The following TMEM132B variants were observed in gnomAD, a reference collection of about 807,000 sequenced individuals.
TMEM132B encodes transmembrane protein 132B.
Under a neutral mutation model 90.8 loss-of-function variants are expected in TMEM132B, and 18 were observed. That is an observed-to-expected ratio of 0.20 (90% CI 0.14 to 0.29). TMEM132B has a LOEUF of 0.29. Among genes scored for constraint, TMEM132B ranks in the 10% least tolerant of loss-of-function variants. The pLI is 1.00. For missense variants in TMEM132B, 1,096 were observed against 1,326.8 expected (o/e 0.83, Z 2.70); for synonymous variants, 504 against 523.3 (o/e 0.96, Z 0.50).
intron 3 of TMEM132B, among the ~76,000 whole-genome samples, chr12:125,480,714 A>G (rs1256147653): frequency 1.3e-5 from 2 of 152,234 alleles, no homozygotes; most frequent in Non-Finnish European, 2.9e-5. Flanking sequence ...TTCTGAAACT[A>G]TTCCAATCAA....
At chr12:125,267,998 T>C (rs774268998) in intron 1 of TMEM132B, among the ~76,000 whole-genome samples, 8 of 152,036 alleles carry the variant, frequency 5.3e-5, no homozygotes, top group Non-Finnish European at 8.8e-5. Context: ...GTAATCCCTG[T>C]ACTTTAGGAG....
chr12:125,559,652 G>A (rs1402831130), intron 4 of TMEM132B, among the ~76,000 whole-genome samples: 1 of 152,118 alleles, frequency 6.6e-6, no homozygotes, highest in Non-Finnish European at 1.5e-5. Context: ...CATGAAAGTG[G>A]TGTGAGCGGC....
intron 1 of TMEM132B, among the ~76,000 whole-genome samples, chr12:125,232,675 A>AT (rs1213370052): frequency 6.6e-6 from 1 of 152,226 alleles, no homozygotes; most frequent in Non-Finnish European, 1.5e-5. Context: ...CACATTGTGC[A>AT]TTTTTTCTCT....
chr12:125,259,248 C>T (rs1874505784), intron 1 of TMEM132B, among the ~76,000 whole-genome samples: 2 of 152,166 alleles, frequency 1.3e-5, no homozygotes, highest in Admixed American at 1.3e-4. Flanking sequence ...CCTATGAGAA[C>T]AGGAACTTTG....
intron 4 of TMEM132B, among the ~76,000 whole-genome samples, chr12:125,579,770 G>C (rs929329064): frequency 1.3e-5 from 2 of 152,026 alleles, no homozygotes; most frequent in African/African-American, 2.4e-5. Context: ...CAATACCTTA[G>C]CTTTCTCAGG....
At chr12:125,393,686 A>T (rs1879092308) in intron 2 of TMEM132B, among the ~76,000 whole-genome samples, 1 of 152,136 alleles carries the variant, frequency 6.6e-6, no homozygotes, top group South Asian at 2.1e-4. Context: ...TTTGATGAAG[A>T]TGGAGGCGCA....
chr12:125,605,729 G>A (rs1211114922), intron 5 of TMEM132B, among the ~76,000 whole-genome samples: 1 of 152,150 alleles, frequency 6.6e-6, no homozygotes, highest in East Asian at 1.9e-4. Flanking sequence ...TTATATGTTA[G>A]GGGTTCTGAT....
intron 4 of TMEM132B, among the ~76,000 whole-genome samples, chr12:125,534,758 C>A (rs765101170): frequency 6.6e-6 from 1 of 151,802 alleles, no homozygotes; most frequent in Non-Finnish European, 1.5e-5. Flanking sequence ...ATAGTTACAT[C>A]CGCTCTTTCA....
intron 3 of TMEM132B, among the ~76,000 whole-genome samples, chr12:125,504,082 C>G (rs1271270378): frequency 1.3e-5 from 2 of 152,210 alleles, no homozygotes; most frequent in Non-Finnish European, 2.9e-5. Flanking sequence ...AGGAGAATTT[C>G]TGTTTCCTGG....
At position 125,654,086 on chromosome 12, in the gene TMEM132B, C is replaced by T. The variant is rs1886999587; in HGVS notation, c.2628C>T (p.Ser876=). The part of the protein sequence containing the change: ...LKSGGPDAFT[S]FPTQGKSPDP... ...GTGGTGGTCCAGATGCCTTTACAAG[C>T]TTCCCCACTCAAGGGAAGTCACCGG... The change falls in exon 9 of 9, where the codon AGC becomes AGT. Residue 876 remains serine, a synonymous_variant. Transcript: ENST00000682704. The surrounding 1 kb of genome is among the most constrained non-coding windows in gnomAD (Gnocchi z 5.8). 3 of 1,614,068 alleles carry T rather than the reference C, an allele frequency of 1.9e-6. No homozygotes were observed. The African/African-American group carries it at 4.0e-5, about 22-fold the overall frequency.
At chr12:125,429,345 A>T (rs1880427951) in intron 3 of TMEM132B, among the ~76,000 whole-genome samples, 1 of 147,462 alleles carries the variant, frequency 6.8e-6, no homozygotes. Flanking sequence ...GACTACAGGC[A>T]TGCACCACCA....
chr12:125,254,663 GCCT>G (rs1874392983), intron 1 of TMEM132B, among the ~76,000 whole-genome samples: 1 of 150,540 alleles, frequency 6.6e-6, no homozygotes, highest in Non-Finnish European at 1.5e-5. Context: ...TTAGGAATGG[GCCT>G]AGGAGCCTCT....
At chr12:125,307,108 T>C (rs892483544) in intron 1 of TMEM132B, among the ~76,000 whole-genome samples, 3 of 152,248 alleles carry the variant, frequency 2.0e-5, no homozygotes, top group Admixed American at 2.0e-4. Flanking sequence ...CTGCAACCAC[T>C]TGGAGTCCAC....
At chr12:125,580,393 C>A (rs1039767005) in intron 4 of TMEM132B, among the ~76,000 whole-genome samples, 45 of 152,094 alleles carry the variant, frequency 3.0e-4, no homozygotes, top group Admixed American at 3.9e-4. Context: ...AGAGTGAAGC[C>A]AAATACCGAC....
In TMEM132B at chr12:125,655,889, A is replaced by G. The variant is rs1053696624; in HGVS notation, c.*1179A>G. 7.2e-5 allele frequency: 11 copies of G among 152,314 alleles called. No homozygotes were observed. Among genetic ancestry groups the G allele is most frequent in the Admixed American group, 5.2e-4 (8 of 15,292 alleles). The allele number at this position is 152,314 out of a possible 1,614,324, so 9.4% of individuals were successfully genotyped here. On this transcript the variant is annotated 3_prime_UTR_variant, in exon 9 of 9. Transcript: ENST00000682704. ...AAAATAAATAAATAAATAAAACTCAATCATGACTTTGGCAGAGATAAAACA... is the reference window on the plus strand; with the variant it reads ...AAAATAAATAAATAAATAAAACTCAGTCATGACTTTGGCAGAGATAAAACA...
chr12:125,368,434 C>T lies in TMEM132B; in HGVS notation c.959+18091C>T, dbSNP rs150519496. On this transcript the variant is annotated intron_variant, in intron 2 of 8. Coordinates refer to ENST00000682704, the MANE Select transcript of TMEM132B (RefSeq NM_001366854.1). ...GTGAAGTTACTGCTTTTCTCTTTGC[C>T]GTTAATAAGAATTTTGTGGGGTGTC... Among the ~76,000 whole-genome samples, 825 of 152,234 alleles carry T rather than the reference C, an allele frequency of 5.4e-3. 9 individuals are homozygous for T. Among genetic ancestry groups the T allele is most frequent in the East Asian group, 0.02 (106 of 5,186 alleles).
At chr12:125,549,074 GGT>G (rs1236827758) in intron 4 of TMEM132B, among the ~76,000 whole-genome samples, 1 of 152,202 alleles carries the variant, frequency 6.6e-6, no homozygotes, top group African/African-American at 2.4e-5. Flanking sequence ...GGAAATGATT[GGT>G]CCTAAGGAAG....
At chr12:125,520,565 CCCA>C (rs1883283136) in intron 4 of TMEM132B, among the ~76,000 whole-genome samples, 1 of 152,034 alleles carries the variant, frequency 6.6e-6, no homozygotes, top group Non-Finnish European at 1.5e-5. Context: ...CCCTACATCT[CCCA>C]CGTCTGGGTC....
chr12:125,646,315 G>A (rs1288016350), intron 6 of TMEM132B, among the ~76,000 whole-genome samples: 1 of 152,098 alleles, frequency 6.6e-6, no homozygotes, highest in Non-Finnish European at 1.5e-5. Context: ...ATTTTGGAAG[G>A]GCTATGAGAC....
Sources: gnomAD v4.1 joint callset for allele counts (sites outside exome capture counted in the v4.1 genomes callset) on GRCh38, gnomAD v4.1.1 for gene constraint, Gnocchi (gnomAD v3.1) non-coding constraint, MANE v1.5 for transcripts, NCBI Gene and HGNC (gene_info 2026-07-23, HGNC 2026-07-21) for gene names.